The following GOLGA1 variants were observed in gnomAD, a reference collection of about 807,000 sequenced individuals.
GOLGA1 encodes golgin A1.
Under a neutral mutation model 119.7 loss-of-function variants are expected in GOLGA1, and 63 were observed. The observed-to-expected ratio is 0.53, with a 90% confidence interval of 0.43 to 0.65. GOLGA1 has a LOEUF of 0.65. Among genes scored for constraint, GOLGA1 ranks in the 30% least tolerant of loss-of-function variants. The pLI is 0.00. For synonymous variants in GOLGA1, 318 were observed against 333.4 expected, an observed-to-expected ratio of 0.95 and a Z score of 0.50; for missense variants, 798 against 912.8, an observed-to-expected ratio of 0.87 and a Z score of 1.62.
intron 1 of GOLGA1, chr9:124,947,795 A>T (rs1372351153): frequency 6.6e-6 from 1 of 152,218 alleles, no homozygotes; most frequent in Non-Finnish European, 1.5e-5. Flanking sequence ...CACACACAGG[A>T]ACATATACAC....
intron 12 of GOLGA1, among the ~76,000 whole-genome samples, chr9:124,905,929 A>G (rs1028306140): frequency 6.6e-6 from 1 of 151,478 alleles, no homozygotes; most frequent in East Asian, 1.9e-4. Context: ...CCTGGCCAAC[A>G]TGACAAAACC....
At chr9:124,937,545 T>C (rs1462218091) in intron 3 of GOLGA1, among the ~76,000 whole-genome samples, 2 of 151,316 alleles carry the variant, frequency 1.3e-5, no homozygotes, top group African/African-American at 2.4e-5. Flanking sequence ...GCAGGAGAAC[T>C]GCTTGAACCC....
intron 12 of GOLGA1, among the ~76,000 whole-genome samples, chr9:124,907,556 G>C (rs76036275): frequency 0.018 from 2,791 of 152,234 alleles, 88 homozygotes; most frequent in African/African-American, 0.062. Flanking sequence ...GACTGAAACT[G>C]ATAAAGCATT....
At chr9:124,906,773 T>A (rs927001428) in intron 12 of GOLGA1, among the ~76,000 whole-genome samples, 5 of 151,826 alleles carry the variant, frequency 3.3e-5, no homozygotes, top group African/African-American at 1.2e-4. Flanking sequence ...AAAGATACCA[T>A]CACAGTATCA....
chr9:124,909,032 G>A (rs1325472038), intron 11 of GOLGA1, among the ~76,000 whole-genome samples: 2 of 152,188 alleles, frequency 1.3e-5, no homozygotes, highest in Admixed American at 6.5e-5. Flanking sequence ...ATTCTAGGCC[G>A]GGTGTGGTGG....
In GOLGA1 at chr9:124,938,811, C is replaced by A; in HGVS notation, c.-100G>T. ...AGGCGCCTACAAAGTTTCAGACATC[C>A]AAGCTAGCTGCATTCCCACTTAAAT... On this transcript the variant is annotated 5_prime_UTR_variant, in exon 3 of 23. Transcript: ENST00000373555. 2 of 960,118 alleles carry A rather than the reference C, an allele frequency of 2.1e-6. No individual in the cohort carries two copies. The highest frequency in any genetic ancestry group is 3.1e-6 in the Non-Finnish European group (2 of 653,604). 59.5% of individuals were successfully genotyped at this position (960,118 alleles called of 1,614,324 possible). A position where few individuals can be genotyped will look rare whatever the true frequency, so the allele number is the denominator to read the frequency against.
At chr9:124,880,832 T>C (rs560667909) in intron 22 of GOLGA1, among the ~76,000 whole-genome samples, 1 of 152,286 alleles carries the variant, frequency 6.6e-6, no homozygotes, top group African/African-American at 2.4e-5. Context: ...AGGAACAAGG[T>C]AGTGGAACTG....
At position 124,946,490 on chromosome 9, in the gene GOLGA1, G is replaced by A; in HGVS notation, c.-156+1428C>T. ...AGAATACGGTGTAAAAAGTTGCTTT[G>A]CAGTTATATTTTATCATGCAAAAAT... On this transcript the variant is annotated intron_variant, in intron 1 of 4. Transcript: ENST00000421514. The surrounding 1 kb of genome is among the most constrained non-coding windows in gnomAD (Gnocchi z 4.0). 6.6e-6 allele frequency: 1 copy of A among 152,126 alleles called. No individual in the cohort carries two copies. Among genetic ancestry groups the A allele is most frequent in the South Asian group, 2.1e-4 (1 of 4,834 alleles). 9.4% of individuals were successfully genotyped at this position (152,126 alleles called of 1,614,324 possible).
chr9:124,940,906 G>A lies in GOLGA1; in HGVS notation c.-206+65C>T, dbSNP rs189447905. 958 of 152,446 alleles carry A rather than the reference G, an allele frequency of 6.3e-3. 8 individuals carry two copies. Among genetic ancestry groups the A allele is most frequent in the Non-Finnish European group, 7.9e-3 (535 of 68,130 alleles). 9.4% of individuals were successfully genotyped at this position (152,446 alleles called of 1,614,324 possible). On this transcript the variant is annotated intron_variant, in intron 1 of 22. Coordinates refer to ENST00000373555, the MANE Select transcript of GOLGA1 (RefSeq NM_002077.4). Reference sequence around the variant, plus strand: ...GCAACCCTGACCGGGCCGCTGTGGGGACAGACCGAGGCCACTGGGAGAATA... The same window carrying A: ...GCAACCCTGACCGGGCCGCTGTGGGAACAGACCGAGGCCACTGGGAGAATA...
At chr9:124,894,413 T>C (rs1395234082) in intron 15 of GOLGA1, among the ~76,000 whole-genome samples, 1 of 150,852 alleles carries the variant, frequency 6.6e-6, no homozygotes, top group Non-Finnish European at 1.5e-5. Context: ...TGTGTGTGTG[T>C]TTGAAATAGG....
chr9:124,881,984 C>A lies in GOLGA1; in HGVS notation c.1966-30G>T, dbSNP rs781112925. 1.3e-6 allele frequency: 2 copies of A among 1,547,618 alleles called. No homozygotes were observed. Among genetic ancestry groups the A allele is most frequent in the South Asian group, 1.2e-5 (1 of 84,776 alleles). ...AAAACCAGTGGGAAAGATGCTACAC[C>A]GAACCCTCTGAGACAGGTGGAAAAA... is the stretch of plus-strand genomic sequence containing the variant. On this transcript the variant is annotated intron_variant, in intron 20 of 22. Transcript: ENST00000373555. This position sits in a 1 kb window ranked among gnomAD's most constrained non-coding sequence, Gnocchi z 4.9.
chr9:124,887,701 C>A (rs1829755392), intron 19 of GOLGA1, among the ~76,000 whole-genome samples: 1 of 152,060 alleles, frequency 6.6e-6, no homozygotes, highest in Non-Finnish European at 1.5e-5. Flanking sequence ...CTAAGCTTCA[C>A]AGGACACTTT....
Position 124,880,565 on chromosome 9 carries a change from G to GC in GOLGA1, c.2268dup (p.Pro757AlafsTer24). 6.2e-7 allele frequency: 1 copy of GC among 1,610,402 alleles called. No individual in the cohort carries two copies. Among genetic ancestry groups the GC allele is most frequent in the Non-Finnish European group, 8.5e-7 (1 of 1,176,778 alleles). ...GGTATCCGAGGGTTTGAGATAGACGGCCGGATGCTGCCCTTGGGAGCTGGT... is the reference window on the plus strand; with the variant it reads ...GGTATCCGAGGGTTTGAGATAGACGGCCCGGATGCTGCCCTTGGGAGCTGGT... On this transcript the variant is annotated frameshift_variant, in exon 23 of 23. Coordinates refer to ENST00000373555, the MANE Select transcript of GOLGA1 (RefSeq NM_002077.4). LOFTEE classifies it high-confidence loss of function.
rs1327866671 is a variant in GOLGA1 at position 124,899,340 on chromosome 9, C to G, written c.1300G>C (p.Glu434Gln). 1 of 1,548,638 alleles carries G rather than the reference C, an allele frequency of 6.5e-7. No individual in the cohort carries two copies. ...AGCTCTTCACTCACCATCCCTTGCT[C>G]TGCGGTGGTCTGGTCAGCTGCCCGC... ...RTRAADQTTA[E>Q]QGMRQLEQEN... Residue 434 changes from glutamate to glutamine, a missense_variant, in exon 14 of 23, where the codon GAG becomes CAG. By Grantham distance (29) the Glu-to-Gln change is conservative (BLOSUM62 2). Transcript: ENST00000373555.
chr9:124,939,084 T>C (rs888677673), intron 2 of GOLGA1, among the ~76,000 whole-genome samples: 1 of 151,842 alleles, frequency 6.6e-6, no homozygotes, highest in African/African-American at 2.4e-5. Flanking sequence ...CCAAAGATTG[T>C]GTGGCTAAGT....
At chr9:124,917,132 G>A (rs1368580200) in intron 10 of GOLGA1, among the ~76,000 whole-genome samples, 1 of 151,994 alleles carries the variant, frequency 6.6e-6, no homozygotes, top group Non-Finnish European at 1.5e-5. Context: ...GGATAAAACT[G>A]ACAACATTAG....
chr9:124,881,280 G>A lies in GOLGA1; in HGVS notation c.2137-23C>T, dbSNP rs768903672. The A allele has an allele frequency of 9.8e-5, 139 of 1,424,880 alleles. No homozygotes were observed. In the East Asian group the frequency reaches 2.9e-3, roughly 30 times the overall value. The allele number at this position is 1,424,880 out of a possible 1,614,324, so 88.3% of individuals were successfully genotyped here. On this transcript the variant is annotated intron_variant, in intron 21 of 22. Coordinates refer to ENST00000373555, the MANE Select transcript of GOLGA1 (RefSeq NM_002077.4). The surrounding 1 kb of genome is among the most constrained non-coding windows in gnomAD (Gnocchi z 4.9). ...AGCCTGAAACACAGTAAGTTTTGCT[G>A]CCATAGGCCTTGGTGAAGGTGAGGC... is the stretch of plus-strand genomic sequence containing the variant.
intron 11 of GOLGA1, among the ~76,000 whole-genome samples, chr9:124,909,592 G>C (rs1359995696): frequency 7.3e-6 from 1 of 136,978 alleles, no homozygotes; most frequent in Non-Finnish European, 1.5e-5. Context: ...CTGGGCAACA[G>C]AGTGAGACTC....
Position 124,889,420 on chromosome 9 carries a change from G to A in GOLGA1, c.1600+14C>T. The A allele has an allele frequency of 6.2e-7, 1 of 1,602,134 alleles. No homozygotes were observed. The highest frequency in any genetic ancestry group is 8.6e-7 in the Non-Finnish European group (1 of 1,168,932). The stretch of plus-strand genomic sequence containing the variant: ...GAAAAGGAGAGAAGGCTCAGCCAGG[G>A]ACCGACTCCTCACCTCGCTCCAGCT... On this transcript the variant is annotated intron_variant, in intron 17 of 22. Transcript: ENST00000373555.
Sources: allele counts gnomAD v4.1 joint callset (sites outside exome capture counted in the v4.1 genomes callset), GRCh38; gene constraint gnomAD v4.1.1; non-coding constraint Gnocchi (gnomAD v3.1); transcripts MANE v1.5; gene names NCBI Gene and HGNC (gene_info 2026-07-23, HGNC 2026-07-21).